HTR7: variants seen among roughly 807,000 people sequenced by gnomAD.
HTR7 encodes the protein 5-HT-7.
In HTR7, 16 loss-of-function variants were observed where a neutral mutation model predicts 34.0. The ratio of observed to expected loss-of-function variants is 0.47; its 90% CI spans 0.32 to 0.71. The LOEUF (loss-of-function observed/expected upper bound fraction) is 0.71. Ranked by LOEUF, HTR7 falls within the 30% of genes least tolerant of loss-of-function variation. The pLI is 0.04. For synonymous variants in HTR7, 265 were observed against 260.2 expected (o/e 1.02, Z -0.18); for missense variants, 504 against 625.5 (o/e 0.81, Z 2.07).
intron 1 of HTR7, among the ~76,000 whole-genome samples, chr10:90,844,485 G>C (rs2120100798): frequency 6.6e-6 from 1 of 151,992 alleles, no homozygotes; most frequent in Admixed American, 6.6e-5. Flanking sequence ...CAGCACTTTG[G>C]GAGGCAGAGG....
At chr10:90,806,028 T>C (rs1362152328) in intron 1 of HTR7, among the ~76,000 whole-genome samples, 1 of 152,176 alleles carries the variant, frequency 6.6e-6, no homozygotes, top group Admixed American at 6.5e-5. Context: ...TAAATATAAT[T>C]AAAACTACTA....
chr10:90,810,316 A>G (rs1423436828), intron 1 of HTR7, among the ~76,000 whole-genome samples: 1 of 151,528 alleles, frequency 6.6e-6, no homozygotes, highest in Non-Finnish European at 1.5e-5. Flanking sequence ...ACCTTAACCC[A>G]CAAGTATAGG....
intron 1 of HTR7, among the ~76,000 whole-genome samples, chr10:90,807,892 G>A (rs553659000): frequency 2.0e-5 from 3 of 152,066 alleles, no homozygotes; most frequent in Admixed American, 6.5e-5. Context: ...TCGAGTAAGC[G>A]GCCTCTTCTT....
chr10:90,806,924 C>T (rs1845715229), intron 1 of HTR7, among the ~76,000 whole-genome samples: 2 of 152,126 alleles, frequency 1.3e-5, no homozygotes, highest in Non-Finnish European at 2.9e-5. Context: ...ACAAAAAGTA[C>T]CTCTGAGACC....
intron 1 of HTR7, among the ~76,000 whole-genome samples, chr10:90,765,079 T>C (rs11498504): frequency 0.21 from 31,466 of 152,114 alleles, 3,909 homozygotes; most frequent in African/African-American, 0.34. Flanking sequence ...CCTGTTCAAC[T>C]TTTTGGAAGA....
intron 1 of HTR7, among the ~76,000 whole-genome samples, chr10:90,798,490 G>T (rs1845574663): frequency 6.6e-6 from 1 of 152,132 alleles, no homozygotes; most frequent in African/African-American, 2.4e-5. Flanking sequence ...CAAGGAGGGA[G>T]GATCACTTGA....
In HTR7 at chr10:90,827,712, G is replaced by A. The variant is rs11528046; in HGVS notation, c.539+29421C>T. 6.4e-3 allele frequency among the ~76,000 whole-genome samples: 970 copies of A among 152,230 alleles called. 12 individuals are homozygous for A. The highest frequency in any genetic ancestry group is 0.044 in the East Asian group (227 of 5,184). On this transcript the variant is annotated intron_variant, in intron 1 of 3. Coordinates refer to ENST00000336152, the MANE Select transcript of HTR7 (RefSeq NM_019859.4). ...TGTAAATACATATCTACCCAACACC[G>A]GAGTACCCAGATATATAAAGAAAAT...
At chr10:90,844,251 C>T (rs1846375253) in intron 1 of HTR7, among the ~76,000 whole-genome samples, 1 of 152,156 alleles carries the variant, frequency 6.6e-6, no homozygotes, top group African/African-American at 2.4e-5. Flanking sequence ...AGTGCCCAAA[C>T]CTATCTGCAC....
intron 1 of HTR7, among the ~76,000 whole-genome samples, chr10:90,809,454 A>G (rs1048234057): frequency 6.6e-6 from 1 of 152,166 alleles, no homozygotes; most frequent in Non-Finnish European, 1.5e-5. Context: ...CTCAAAATAC[A>G]TTTTATTACC....
At chr10:90,854,946 A>G (rs1242291787) in intron 1 of HTR7, among the ~76,000 whole-genome samples, 2 of 152,188 alleles carry the variant, frequency 1.3e-5, no homozygotes, top group Non-Finnish European at 2.9e-5. Flanking sequence ...ATTTAATATC[A>G]TCTGTCATAT....
chr10:90,749,961 G>T lies in HTR7; in HGVS notation c.540-367C>A, dbSNP rs1320400569. Among the ~76,000 whole-genome samples the T allele has an allele frequency of 6.6e-6, 1 of 152,190 alleles. No homozygotes were observed. Among genetic ancestry groups the T allele is most frequent in the African/African-American group, 2.4e-5 (1 of 41,448 alleles). ...CATATCAACTCTGATGTAGGATGTT[G>T]TGACACATTCTCAAAACTTAACCAA... is the stretch of plus-strand genomic sequence containing the variant. On this transcript the variant is annotated intron_variant, in intron 1 of 3. Transcript: ENST00000336152. The surrounding 1 kb of genome is among the most constrained non-coding windows in gnomAD (Gnocchi z 4.2).
At chr10:90,843,150 A>C (rs1432496077) in intron 1 of HTR7, among the ~76,000 whole-genome samples, 109 of 127,498 alleles carry the variant, frequency 8.5e-4, no homozygotes, top group Non-Finnish European at 8.6e-4. Context: ...CTTCCTTCCT[A>C]CTTCCTTCCC....
intron 1 of HTR7, among the ~76,000 whole-genome samples, chr10:90,781,484 A>G (rs1002103767): frequency 6.6e-6 from 1 of 152,224 alleles, no homozygotes; most frequent in Admixed American, 6.5e-5. Flanking sequence ...ATTCCCCACA[A>G]GATCCAGAAG....
intron 1 of HTR7, among the ~76,000 whole-genome samples, chr10:90,816,151 T>C (rs1845896664): frequency 6.6e-6 from 1 of 152,228 alleles, no homozygotes; most frequent in South Asian, 2.1e-4. Context: ...GCTCCTGGAT[T>C]TTACATTACC....
chr10:90,809,524 C>A (rs2119959241), intron 1 of HTR7, among the ~76,000 whole-genome samples: 1 of 152,334 alleles, frequency 6.6e-6, no homozygotes, highest in Non-Finnish European at 1.5e-5. Flanking sequence ...TCAAACCCCA[C>A]AACGGGATTA....
chr10:90,856,502 T>G (rs1470536163), intron 1 of HTR7, among the ~76,000 whole-genome samples: 1 of 152,204 alleles, frequency 6.6e-6, no homozygotes, highest in South Asian at 2.1e-4. Flanking sequence ...AGGGCTATGA[T>G]GAAAGGCTAG....
chr10:90,775,518 C>T (rs527450685), intron 1 of HTR7, among the ~76,000 whole-genome samples: 19 of 152,190 alleles, frequency 1.2e-4, no homozygotes, highest in African/African-American at 4.1e-4. Flanking sequence ...GCATCACACA[C>T]GCAAGGGGAA....
intron 1 of HTR7, among the ~76,000 whole-genome samples, chr10:90,799,854 T>C (rs181529883): frequency 6.6e-6 from 1 of 152,114 alleles, no homozygotes; most frequent in African/African-American, 2.4e-5. Context: ...AACTTAGAGG[T>C]TGAAAGTATT....
chr10:90,770,963 C>T (rs369138206), intron 1 of HTR7, among the ~76,000 whole-genome samples: 6 of 152,308 alleles, frequency 3.9e-5, no homozygotes, highest in African/African-American at 4.8e-5. Flanking sequence ...GACTAATGGG[C>T]ACACACTTCC....
Sources: gnomAD v4.1 joint callset for allele counts (sites outside exome capture counted in the v4.1 genomes callset) on GRCh38, gnomAD v4.1.1 for gene constraint, Gnocchi (gnomAD v3.1) non-coding constraint, MANE v1.5 for transcripts, NCBI Gene and HGNC (gene_info 2026-07-23, HGNC 2026-07-21) for gene names.